The following THSD4 variants were observed in gnomAD, a reference collection of about 807,000 sequenced individuals.
THSD4 encodes the protein thrombospondin type 1 domain containing 4, also known as thrombospondin type-1 domain-containing protein 4.
Under a neutral mutation model 119.0 loss-of-function variants are expected in THSD4, and 69 were observed. The ratio of observed to expected loss-of-function variants is 0.58; its 90% CI spans 0.48 to 0.71. The LOEUF (loss-of-function observed/expected upper bound fraction) is 0.71, where lower values mean the gene tolerates loss of function less well. Ranked by LOEUF, THSD4 falls within the 30% of genes least tolerant of loss-of-function variation. The pLI, the probability that THSD4 is intolerant of heterozygous loss-of-function variation, is 0.00. For missense variants in THSD4, 1,393 were observed against 1,391.1 expected (o/e 1.00, Z -0.02); for synonymous variants, 524 against 540.4 (o/e 0.97, Z 0.42).
chr15:71,447,820 G>C (rs2047207781), intron 7 of THSD4, among the ~76,000 whole-genome samples: 2 of 152,126 alleles, frequency 1.3e-5, no homozygotes, highest in Non-Finnish European at 2.9e-5. Context: ...ATTCATCACA[G>C]GCTTGGGAGC....
At chr15:71,422,606 C>T (rs1342434485) in intron 7 of THSD4, among the ~76,000 whole-genome samples, 2 of 152,196 alleles carry the variant, frequency 1.3e-5, no homozygotes, top group Non-Finnish European at 2.9e-5. Flanking sequence ...ACCCCTGTGG[C>T]CACCACCACT....
intron 7 of THSD4, among the ~76,000 whole-genome samples, chr15:71,501,769 T>C (rs2140730695): frequency 6.6e-6 from 1 of 152,384 alleles, no homozygotes; most frequent in East Asian, 1.9e-4. Context: ...TCAATTGTTT[T>C]CTACCATAAA....
rs571281967 is a variant in THSD4 at position 71,375,380 on chromosome 15, C to A, written c.1016-36307C>A. ...AGCAGCCTTTTCTGACCTTCCAAGA[C>A]CGAGTTGGATGCTCTGGTTCTGTGT... On this transcript the variant is annotated intron_variant, in intron 6 of 17. Coordinates refer to ENST00000261862, the MANE Select transcript of THSD4 (RefSeq NM_024817.3). 2.0e-5 allele frequency among the ~76,000 whole-genome samples: 3 copies of A among 152,268 alleles called. No individual in the cohort carries two copies. The South Asian group carries it at 6.2e-4, about 32-fold the overall frequency.
Position 71,575,073 on chromosome 15 carries a change from G to C in THSD4, c.1153-85457G>C, listed in dbSNP as rs375993659. On this transcript the variant is annotated intron_variant, in intron 7 of 17. Coordinates refer to ENST00000261862, the MANE Select transcript of THSD4 (RefSeq NM_024817.3). ...TCACTATCGTATTTACTACCAGCTT[G>C]TTGCTGAGGGCATTGTTCATTTTAC... is the stretch of plus-strand genomic sequence containing the variant. Among the ~76,000 whole-genome samples, 283 of 151,306 alleles carry C rather than the reference G, an allele frequency of 1.9e-3. 17 individuals carry two copies. In the South Asian group the frequency reaches 0.053, roughly 28 times the overall value.
chr15:71,345,431 G>C (rs2140396734), intron 6 of THSD4, among the ~76,000 whole-genome samples: 1 of 152,244 alleles, frequency 6.6e-6, no homozygotes, highest in East Asian at 1.9e-4. Context: ...TCTTCAAACG[G>C]AGCTGGTGCC....
intron 7 of THSD4, among the ~76,000 whole-genome samples, chr15:71,455,524 G>A (rs2047326750): frequency 1.3e-5 from 2 of 152,102 alleles, no homozygotes; most frequent in South Asian, 4.1e-4. Flanking sequence ...ATGCTCCAGG[G>A]CAGCTTGTCT....
chr15:71,326,864 C>A (rs912991687), intron 6 of THSD4, among the ~76,000 whole-genome samples: 2 of 148,506 alleles, frequency 1.3e-5, no homozygotes, highest in Non-Finnish European at 3.0e-5. Context: ...CAGAGCGAGA[C>A]CCTGTCTCTA....
chr15:71,122,181 G>T (rs912023455), intron 1 of THSD4, among the ~76,000 whole-genome samples: 1 of 152,134 alleles, frequency 6.6e-6, no homozygotes, highest in East Asian at 1.9e-4. Flanking sequence ...GGATCTTCTG[G>T]TCAGCTAAGC....
At chr15:71,657,926 T>C (rs1181341940) in intron 7 of THSD4, among the ~76,000 whole-genome samples, 1 of 152,230 alleles carries the variant, frequency 6.6e-6, no homozygotes, top group Non-Finnish European at 1.5e-5. Flanking sequence ...AAGCTATCCA[T>C]GCTAGTGTAA....
intron 6 of THSD4, among the ~76,000 whole-genome samples, chr15:71,363,764 C>T (rs1372306142): frequency 6.6e-6 from 1 of 152,132 alleles, no homozygotes; most frequent in Admixed American, 6.5e-5. Flanking sequence ...GGGGACCAGG[C>T]AAGGTTTCCA....
chr15:71,353,058 C>G lies in THSD4; in HGVS notation c.1016-58629C>G, dbSNP rs1461032240. On this transcript the variant is annotated intron_variant, in intron 6 of 17. Coordinates refer to ENST00000261862, the MANE Select transcript of THSD4 (RefSeq NM_024817.3). ...TTGCAGGCGATAACTCACATTCATT[C>G]AACACTATCTCATGTACCAGACACT... is the stretch of plus-strand genomic sequence containing the variant. Among the ~76,000 whole-genome samples, 4 of 152,154 alleles carry G rather than the reference C, an allele frequency of 2.6e-5. No homozygotes were observed. The South Asian group carries it at 8.3e-4, about 32-fold the overall frequency.
chr15:71,708,032 G>A (rs969758050), intron 8 of THSD4, among the ~76,000 whole-genome samples: 1 of 152,190 alleles, frequency 6.6e-6, no homozygotes, highest in Non-Finnish European at 1.5e-5. Context: ...TTTTAAGAGA[G>A]TTAACTGAGT....
chr15:71,324,683 C>G (rs1240340447), intron 6 of THSD4, among the ~76,000 whole-genome samples: 1 of 152,104 alleles, frequency 6.6e-6, no homozygotes, highest in Non-Finnish European at 1.5e-5. Context: ...TGTATATATA[C>G]CACATTTTCT....
intron 6 of THSD4, among the ~76,000 whole-genome samples, chr15:71,329,013 A>G (rs905886206): frequency 3.7e-4 from 57 of 152,106 alleles, no homozygotes; most frequent in Non-Finnish European, 7.2e-4. Flanking sequence ...TTTTTTTCCT[A>G]AAGAGCCATT....
intron 7 of THSD4, among the ~76,000 whole-genome samples, chr15:71,563,111 A>T (rs1405915880): frequency 6.6e-6 from 1 of 152,142 alleles, no homozygotes; most frequent in Non-Finnish European, 1.5e-5. Context: ...TGAGACTGGG[A>T]AACCATCTCT....
intron 6 of THSD4, among the ~76,000 whole-genome samples, chr15:71,339,520 C>T (rs1305353730): frequency 1.3e-5 from 2 of 152,016 alleles, no homozygotes; most frequent in Non-Finnish European, 2.9e-5. Flanking sequence ...AAATGAGAGC[C>T]GTACATTATC....
intron 8 of THSD4, among the ~76,000 whole-genome samples, chr15:71,661,370 C>T (rs1567087643): frequency 6.6e-6 from 1 of 152,002 alleles, no homozygotes; most frequent in African/African-American, 2.4e-5. Flanking sequence ...ATAAAAACCA[C>T]AAGCCAATCG....
intron 7 of THSD4, among the ~76,000 whole-genome samples, chr15:71,598,721 G>A (rs2049951677): frequency 6.6e-6 from 1 of 152,010 alleles, no homozygotes; most frequent in African/African-American, 2.4e-5. Context: ...GGGCTCAGGT[G>A]ATCCTCCTGC....
At chr15:71,595,644 A>T (rs1344135091) in intron 7 of THSD4, among the ~76,000 whole-genome samples, 2 of 152,212 alleles carry the variant, frequency 1.3e-5, no homozygotes, top group Admixed American at 6.5e-5. Context: ...CTAAAATTGC[A>T]CATGTGTGTA....
Sources: allele counts gnomAD v4.1 joint callset (sites outside exome capture counted in the v4.1 genomes callset), GRCh38; gene constraint gnomAD v4.1.1; transcripts MANE v1.5; gene names NCBI Gene and HGNC (gene_info 2026-07-23, HGNC 2026-07-21).